RABEP1: variants seen among roughly 807,000 people sequenced by gnomAD.
RABEP1 encodes rab GTPase-binding effector protein 1.
RABEP1 carries 51 observed loss-of-function variants against 123.4 expected under a neutral mutation model. The ratio of observed to expected loss-of-function variants is 0.41; its 90% CI spans 0.33 to 0.52. The LOEUF (loss-of-function observed/expected upper bound fraction) is 0.52. RABEP1 is among the 20% of genes least tolerant of loss of function. The pLI is 0.16. For missense variants in RABEP1, 888 were observed against 996.3 expected (o/e 0.89, Z 1.46); for synonymous variants, 347 against 355.2 (o/e 0.98, Z 0.26).
intron 1 of RABEP1, among the ~76,000 whole-genome samples, chr17:5,300,540 T>C (rs550532591): frequency 1.3e-5 from 2 of 152,334 alleles, no homozygotes; most frequent in African/African-American, 4.8e-5. Context: ...GACCTTTCTA[T>C]ACTGTACTCT....
chr17:5,314,733 T>G (rs965614136), intron 2 of RABEP1, among the ~76,000 whole-genome samples: 18 of 152,330 alleles, frequency 1.2e-4, no homozygotes, highest in Middle Eastern at 3.4e-3. Context: ...TTAGCCATGA[T>G]GGTCTCGATC....
chr17:5,347,214 AGC>A, intron 6 of RABEP1, among the ~76,000 whole-genome samples: 1 of 152,290 alleles, frequency 6.6e-6, no homozygotes, highest in South Asian at 2.1e-4. Flanking sequence ...GTTTGAGACC[AGC>A]CTGGCCAACA....
Position 5,295,113 on chromosome 17 carries a change from G to A in RABEP1, c.34+12593G>A, listed in dbSNP as rs193039007. ...TGTTATTTTTGAGGACAGATGCGGT[G>A]GCTTACACCTGTAATCCCAGCACTT... On this transcript the variant is annotated intron_variant, in intron 1 of 17. Transcript: ENST00000537505. Among the ~76,000 whole-genome samples the A allele has an allele frequency of 7.2e-5, 11 of 152,004 alleles. No homozygotes were observed. In the East Asian group the frequency reaches 1.9e-3, roughly 27 times the overall value.
Position 5,382,930 on chromosome 17 carries a change from C to CAAAAAAAA in RABEP1, c.2488-190_2488-183dup, listed in dbSNP as rs971836974. Among the ~76,000 whole-genome samples the CAAAAAAAA allele has an allele frequency of 7.0e-3, 1,064 of 151,270 alleles. 14 individuals are homozygous for CAAAAAAAA. Among genetic ancestry groups the CAAAAAAAA allele is most frequent in the African/African-American group, 0.024 (998 of 41,000 alleles). ...GGATGATGAGCAAAACTCTCCCCCC[C>CAAAAAAAA]AAAAAAAAATCCCAGTCCGTTACAC... On this transcript the variant is annotated intron_variant, in intron 17 of 17. Transcript: ENST00000537505.
chr17:5,312,581 C>G (rs2075255021), intron 2 of RABEP1, among the ~76,000 whole-genome samples: 1 of 152,044 alleles, frequency 6.6e-6, no homozygotes, highest in South Asian at 2.1e-4. Context: ...GAATGGAGTT[C>G]CATTTTTTCA....
At chr17:5,314,681 G>A (rs2075279081) in intron 2 of RABEP1, among the ~76,000 whole-genome samples, 1 of 152,072 alleles carries the variant, frequency 6.6e-6, no homozygotes. Context: ...ACCACGCCTG[G>A]CTAATTTTTT....
At chr17:5,294,342 C>G (rs2075060414) in intron 1 of RABEP1, among the ~76,000 whole-genome samples, 1 of 152,010 alleles carries the variant, frequency 6.6e-6, no homozygotes. Flanking sequence ...TGAGGTGGCG[C>G]CACTGCACTC....
intron 3 of RABEP1, among the ~76,000 whole-genome samples, chr17:5,333,338 A>G (rs1906746833): frequency 6.6e-6 from 1 of 151,660 alleles, no homozygotes; most frequent in Admixed American, 6.6e-5. Context: ...AATTTTTTGT[A>G]TTTTTAGTAG....
chr17:5,333,986 G>A (rs1906805933), intron 3 of RABEP1, among the ~76,000 whole-genome samples: 1 of 151,662 alleles, frequency 6.6e-6, no homozygotes, highest in African/African-American at 2.4e-5. Flanking sequence ...CAAAATTGGA[G>A]TCTTACTGGT....
intron 11 of RABEP1, among the ~76,000 whole-genome samples, chr17:5,365,611 A>G (rs1344749887): frequency 1.3e-5 from 2 of 152,130 alleles, no homozygotes; most frequent in African/African-American, 4.8e-5. Flanking sequence ...ACATACCAGA[A>G]CCAACATCTG....
intron 1 of RABEP1, among the ~76,000 whole-genome samples, chr17:5,289,567 AATTT>A: frequency 1.3e-5 from 2 of 152,030 alleles, no homozygotes; most frequent in South Asian, 4.1e-4. Context: ...ATCCATTTGC[AATTT>A]ATTTATTTTT....
intron 1 of RABEP1, among the ~76,000 whole-genome samples, chr17:5,286,096 A>G (rs1006785161): frequency 6.6e-6 from 1 of 152,218 alleles, no homozygotes; most frequent in African/African-American, 2.4e-5. Context: ...CCAAGGCATC[A>G]ATTTACATAC....
At chr17:5,324,106 G>T (rs1905727795) in intron 2 of RABEP1, among the ~76,000 whole-genome samples, 2 of 151,946 alleles carry the variant, frequency 1.3e-5, no homozygotes, top group African/African-American at 4.8e-5. Context: ...ATATGGAACT[G>T]TGAAATACCC....
chr17:5,319,289 A>G (rs1404636413), intron 2 of RABEP1, among the ~76,000 whole-genome samples: 1 of 144,490 alleles, frequency 6.9e-6, no homozygotes, highest in African/African-American at 2.5e-5. Context: ...AGATCATGCC[A>G]CTGCACTCCA....
intron 2 of RABEP1, among the ~76,000 whole-genome samples, chr17:5,323,231 A>T (rs894728630): frequency 6.6e-6 from 1 of 152,222 alleles, no homozygotes; most frequent in Non-Finnish European, 1.5e-5. Context: ...CCATCCATAC[A>T]TGACAAACCC....
At chr17:5,360,962 T>TC (rs1353777827) in intron 8 of RABEP1, 2 of 410,070 alleles carry the variant, frequency 4.9e-6, no homozygotes, top group East Asian at 9.1e-5. Context: ...TTACTTATCT[T>TC]TTTTTTTTTT....
At chr17:5,381,667 G>A (rs1911470755) in intron 17 of RABEP1, 162 bp downstream of exon 17, 3 of 1,285,544 alleles carry the variant, frequency 2.3e-6, no homozygotes, top group Admixed American at 6.0e-5. Context: ...CAGAAACCTG[G>A]TGTGTTCTTC....
chr17:5,350,676 C>T (rs1375383114), intron 7 of RABEP1, 47 bp downstream of exon 7: 1 of 1,588,586 alleles, frequency 6.3e-7, no homozygotes, highest in Non-Finnish European at 8.6e-7. Flanking sequence ...GTAATGTCCC[C>T]CACCACATGT....
At chr17:5,292,695 G>A (rs1016440866) in intron 1 of RABEP1, among the ~76,000 whole-genome samples, 1 of 151,906 alleles carries the variant, frequency 6.6e-6, no homozygotes, top group Admixed American at 6.6e-5. Context: ...TTATTTATTT[G>A]CTTTTGAGAC....
Sources: gnomAD v4.1 joint callset for allele counts (sites outside exome capture counted in the v4.1 genomes callset) on GRCh38, gnomAD v4.1.1 for gene constraint, MANE v1.5 for transcripts, NCBI Gene and HGNC (gene_info 2026-07-23, HGNC 2026-07-21) for gene names.